The following PDE11A variants were observed in gnomAD, a reference collection of about 807,000 sequenced individuals.
PDE11A encodes the protein phosphodiesterase 11A.
Under a neutral mutation model 100.5 loss-of-function variants are expected in PDE11A, and 100 were observed. That is an observed-to-expected ratio of 1.00 (90% CI 0.85 to 1.18). The LOEUF is 1.18. PDE11A is among the 50% of genes most tolerant of loss of function. PDE11A has a pLI of 0.00. For missense variants in PDE11A, 1,141 were observed against 1,152.6 expected, an observed-to-expected ratio of 0.99 and a Z score of 0.15; for synonymous variants, 381 against 420.8, an observed-to-expected ratio of 0.91 and a Z score of 1.16.
At chr2:177,876,542 A>G (rs1416119897) in intron 4 of PDE11A, among the ~76,000 whole-genome samples, 4 of 148,548 alleles carry the variant, frequency 2.7e-5, no homozygotes, top group Admixed American at 2.0e-4. Context: ...AGAAAATGTC[A>G]ATGTAGTTTT....
chr2:177,693,613 T>C (rs147292319), intron 15 of PDE11A, among the ~76,000 whole-genome samples: 138 of 152,336 alleles, frequency 9.1e-4, no homozygotes, highest in Non-Finnish European at 1.3e-3. Flanking sequence ...AGCTAGTGTT[T>C]AAACTGATTA....
At chr2:178,087,799 A>C (rs1362100424) in intron 2 of PDE11A, among the ~76,000 whole-genome samples, 1 of 152,202 alleles carries the variant, frequency 6.6e-6, no homozygotes, top group East Asian at 1.9e-4. Flanking sequence ...TTTATTTGAA[A>C]GTAGTTTTAT....
intron 1 of PDE11A, among the ~76,000 whole-genome samples, chr2:178,058,681 T>C (rs2086929488): frequency 6.6e-6 from 1 of 152,180 alleles, no homozygotes; most frequent in Non-Finnish European, 1.5e-5. Flanking sequence ...ATCTACCTAC[T>C]ATGTGCTAGG....
intron 5 of PDE11A, among the ~76,000 whole-genome samples, chr2:177,851,082 C>A (rs967758738): frequency 1.3e-5 from 2 of 152,126 alleles, no homozygotes; most frequent in Admixed American, 6.5e-5. Flanking sequence ...AAGACACATG[C>A]ACACGTATGT....
intron 1 of PDE11A, among the ~76,000 whole-genome samples, chr2:178,046,198 A>T (rs2086748651): frequency 6.6e-6 from 1 of 152,130 alleles, no homozygotes; most frequent in African/African-American, 2.4e-5. Context: ...GGCTATTACT[A>T]TTAATTTTTT....
intron 2 of PDE11A, among the ~76,000 whole-genome samples, chr2:177,936,793 C>T (rs2085279891): frequency 6.6e-6 from 1 of 151,928 alleles, no homozygotes; most frequent in Admixed American, 6.6e-5. Flanking sequence ...TGGTTGCCAG[C>T]GCCTGTAACT....
At chr2:177,986,692 G>A (rs1206395566) in intron 2 of PDE11A, among the ~76,000 whole-genome samples, 3 of 151,944 alleles carry the variant, frequency 2.0e-5, no homozygotes, top group Admixed American at 6.6e-5. Context: ...TTAGCTGGGC[G>A]TGGTGGCGGG....
At chr2:178,008,187 C>G (rs186624188) in intron 2 of PDE11A, among the ~76,000 whole-genome samples, 1 of 152,152 alleles carries the variant, frequency 6.6e-6, no homozygotes, top group African/African-American at 2.4e-5. Flanking sequence ...AAAAAGTTGC[C>G]TGGCAGAGTT....
At chr2:177,900,835 G>A (rs2084683515) in intron 3 of PDE11A, among the ~76,000 whole-genome samples, 1 of 152,160 alleles carries the variant, frequency 6.6e-6, no homozygotes, top group African/African-American at 2.4e-5. Context: ...AGTTCAATGA[G>A]CAATTGAAAG....
At position 177,647,273 on chromosome 2, in the gene PDE11A, C is replaced by T. The variant is rs924694697; in HGVS notation, c.2646+16593G>A. Among the ~76,000 whole-genome samples the T allele has an allele frequency of 2.0e-4, 31 of 152,276 alleles. No individual in the cohort carries two copies. The South Asian group carries it at 2.9e-3, about 14-fold the overall frequency. ...GTTTGTTGAGCTGCAAACATTCATT[C>T]ACTGTACATTTTTTGTATATTTCCC... On this transcript the variant is annotated intron_variant, in intron 19 of 19. Transcript: ENST00000286063.
chr2:177,923,369 CA>C (rs5836634), intron 2 of PDE11A, among the ~76,000 whole-genome samples: 134,858 of 147,858 alleles, frequency 0.91, 61,642 homozygotes, highest in East Asian at 0.98. Flanking sequence ...TCTCCCCCAG[CA>C]AAAAAAAAAA....
chr2:177,637,922 TACATATATACA>T (rs2080068951), intron 19 of PDE11A, among the ~76,000 whole-genome samples: 1 of 143,588 alleles, frequency 7.0e-6, no homozygotes, highest in Non-Finnish European at 1.5e-5. Flanking sequence ...TATATACACA[TACATATATACA>T]TATATACATA....
intron 9 of PDE11A, among the ~76,000 whole-genome samples, chr2:177,790,421 A>G (rs62184506): frequency 0.16 from 24,029 of 150,946 alleles, 2,034 homozygotes; most frequent in East Asian, 0.31. Context: ...TGTTAGACCT[A>G]AAACCATAAA....
intron 1 of PDE11A, among the ~76,000 whole-genome samples, chr2:178,016,572 T>C (rs2086340574): frequency 6.6e-6 from 1 of 152,044 alleles, no homozygotes; most frequent in Non-Finnish European, 1.5e-5. Flanking sequence ...ATTTATATAT[T>C]GTGGTAAGTG....
chr2:177,992,439 T>C (rs2086015917), intron 2 of PDE11A, among the ~76,000 whole-genome samples: 1 of 143,884 alleles, frequency 7.0e-6, no homozygotes, highest in East Asian at 2.0e-4. Flanking sequence ...TGTATATAGA[T>C]GGTAAACAGA....
At chr2:177,889,495 C>A (rs1431788681) in intron 4 of PDE11A, among the ~76,000 whole-genome samples, 1 of 149,810 alleles carries the variant, frequency 6.7e-6, no homozygotes, top group Non-Finnish European at 1.5e-5. Flanking sequence ...TTTTTTTTTT[C>A]CTGTTCCATT....
rs973914479 is a variant in PDE11A, at chr2:177,676,799, C to T, written c.2424-1281G>A. 1.3e-4 allele frequency among the ~76,000 whole-genome samples: 20 copies of T among 152,354 alleles called. No individual in the cohort carries two copies. In the Middle Eastern group the frequency reaches 0.01, roughly 78 times the overall value. On this transcript the variant is annotated intron_variant, in intron 16 of 19. Coordinates refer to ENST00000286063, the MANE Select transcript of PDE11A (RefSeq NM_016953.4). The stretch of plus-strand genomic sequence containing the variant: ...TACTAAGTGCTTTACTAACCAACTG[C>T]TAACTAAACTACTAACTAAATGAAT...
chr2:177,851,353 AGGAAGG>A (rs1175760945), intron 5 of PDE11A, among the ~76,000 whole-genome samples: 2 of 151,928 alleles, frequency 1.3e-5, no homozygotes, highest in African/African-American at 4.8e-5. Context: ...ACTTGGACAC[AGGAAGG>A]GGAACATCAC....
intron 19 of PDE11A, among the ~76,000 whole-genome samples, chr2:177,652,257 G>T (rs759289103): frequency 4.6e-5 from 7 of 152,152 alleles, no homozygotes; most frequent in Non-Finnish European, 1.0e-4. Context: ...ACCCAAAGAG[G>T]GTCCCAGAGG....
Sources: allele counts gnomAD v4.1 joint callset (sites outside exome capture counted in the v4.1 genomes callset), GRCh38; gene constraint gnomAD v4.1.1; transcripts MANE v1.5; gene names NCBI Gene and HGNC (gene_info 2026-07-23, HGNC 2026-07-21).